FGFR2: variants seen among roughly 807,000 people sequenced by gnomAD.
FGFR2 encodes fibroblast growth factor receptor 2.
FGFR2 carries 19 observed loss-of-function variants against 95.9 expected under a neutral mutation model. The ratio of observed to expected loss-of-function variants is 0.20; its 90% confidence interval spans 0.14 to 0.29. The LOEUF is 0.29. FGFR2 is among the 10% of genes least tolerant of loss of function. The probability of loss-of-function intolerance (pLI) is 1.00; values close to 1 mark genes in which losing one functional copy is unlikely to be tolerated. For synonymous variants in FGFR2, 392 were observed against 393.3 expected (o/e 1.00, Z 0.04); for missense variants, 707 against 1,056.9 (o/e 0.67, Z 4.59).
chr10:121,578,914 A>C (rs1036384714), intron 2 of FGFR2, among the ~76,000 whole-genome samples: 22 of 152,216 alleles, frequency 1.4e-4, no homozygotes, highest in African/African-American at 5.3e-4. Flanking sequence ...CTGTCTCAAA[A>C]GGAAAAAACA....
At chr10:121,489,698 G>A (rs1279369190) in intron 13 of FGFR2, among the ~76,000 whole-genome samples, 1 of 152,002 alleles carries the variant, frequency 6.6e-6, no homozygotes, top group Non-Finnish European at 1.5e-5. Flanking sequence ...TCTCTTAATC[G>A]GAGAGCTATA....
In FGFR2 at chr10:121,518,668, G is replaced by T. The variant is rs770081703; in HGVS notation, c.940-1205C>A. The stretch of plus-strand genomic sequence containing the variant: ...TTTCTTTTTAAAAAAAGACAAAAAT[G>T]AAAGCATTGTTACCTTGCTGTTTTG... On this transcript the variant is annotated intron_variant, in intron 7 of 17. Coordinates refer to ENST00000358487, the MANE Select transcript of FGFR2 (RefSeq NM_000141.5). The surrounding 1 kb of genome is among the most constrained non-coding windows in gnomAD (Gnocchi z 4.0). The T allele has an allele frequency of 6.2e-7, 1 of 1,614,084 alleles. No homozygotes were observed. The highest frequency in any genetic ancestry group is 1.1e-5 in the South Asian group (1 of 91,068).
intron 6 of FGFR2, among the ~76,000 whole-genome samples, chr10:121,525,808 C>T (rs371104726): frequency 7.9e-5 from 12 of 152,104 alleles, no homozygotes; most frequent in Admixed American, 2.0e-4. Context: ...TCCACCGAGC[C>T]GAGAGGCCTC....
At chr10:121,482,847 G>A (rs1844932261) in intron 17 of FGFR2, among the ~76,000 whole-genome samples, 1 of 152,196 alleles carries the variant, frequency 6.6e-6, no homozygotes, top group Non-Finnish European at 1.5e-5. Flanking sequence ...CTCCCAGACT[G>A]GAGTGCAGTG....
chr10:121,582,682 C>A (rs893869707), intron 2 of FGFR2, among the ~76,000 whole-genome samples: 2 of 152,134 alleles, frequency 1.3e-5, no homozygotes, highest in African/African-American at 2.4e-5. Context: ...ACTCTAGACG[C>A]TGAGGCAGGA....
chr10:121,510,960 C>A (rs1367625684), intron 9 of FGFR2, among the ~76,000 whole-genome samples: 1 of 151,910 alleles, frequency 6.6e-6, no homozygotes, highest in Non-Finnish European at 1.5e-5. Context: ...CATCACCACA[C>A]CCAGCTAATT....
rs775253363 is a variant in FGFR2, at chr10:121,565,504, G to C, written c.310C>G (p.Leu104Val). Residue 104 changes from leucine to valine, a missense_variant, in exon 3 of 18, where the codon CTC becomes GTC. Physicochemically the swap from Leu to Val is conservative, Grantham distance 32. Around this residue, in one of 7 missense-constraint regions of FGFR2, gnomAD observed 178 missense variants for 194.1 expected, o/e 0.92. Coordinates refer to ENST00000358487, the MANE Select transcript of FGFR2 (RefSeq NM_000141.5). ...IKGATPRDSGLYACTASRTVD... is the reference protein window; with the variant it reads ...IKGATPRDSGVYACTASRTVD... ...GTCCTACTGGCAGTACAAGCATAGA[G>C]GCCGGAGTCTCTAGGCGTGGCGCCC... 1 of 1,614,230 alleles carries C rather than the reference G, an allele frequency of 6.2e-7. No individual in the cohort carries two copies. Among genetic ancestry groups the C allele is most frequent in the African/African-American group, 1.3e-5 (1 of 75,058 alleles).
chr10:121,586,187 T>G (rs574329840), intron 2 of FGFR2, among the ~76,000 whole-genome samples: 1 of 152,290 alleles, frequency 6.6e-6, no homozygotes, highest in Non-Finnish European at 1.5e-5. Flanking sequence ...AGCTCAAGGG[T>G]TCGAAAATAA....
At position 121,598,007 on chromosome 10, in the gene FGFR2, C is replaced by T. The variant is rs1457119353; in HGVS notation, c.-196G>A. On this transcript the variant is annotated 5_prime_UTR_variant, in exon 1 of 18. Coordinates refer to ENST00000358487, the MANE Select transcript of FGFR2 (RefSeq NM_000141.5). Reference sequence around the variant, plus strand: ...CGCGACCTGTGTTGTCCCCGCGCCCCGCGTGGGTCGGGATGGAGAAAGCGA... The same window carrying T: ...CGCGACCTGTGTTGTCCCCGCGCCCTGCGTGGGTCGGGATGGAGAAAGCGA... 3.0e-5 allele frequency: 12 copies of T among 396,190 alleles called. No individual in the cohort carries two copies. The East Asian group carries it at 4.3e-4, about 14-fold the overall frequency. 24.5% of individuals were successfully genotyped at this position (396,190 alleles called of 1,614,324 possible).
At chr10:121,588,246 G>A (rs1227578719) in intron 2 of FGFR2, among the ~76,000 whole-genome samples, 1 of 152,078 alleles carries the variant, frequency 6.6e-6, no homozygotes, top group African/African-American at 2.4e-5. Flanking sequence ...ACTTGAGGGT[G>A]GAGGGTGGGT....
rs533697010 is a variant in FGFR2, at chr10:121,590,658, T to C, written c.109+3051A>G. The stretch of plus-strand genomic sequence containing the variant: ...TCCAGAAGACAAATGATATATATGA[T>C]ATATGATATGACATATGATATGATA... On this transcript the variant is annotated intron_variant, in intron 2 of 17. Coordinates refer to ENST00000358487, the MANE Select transcript of FGFR2 (RefSeq NM_000141.5). 2.0e-5 allele frequency among the ~76,000 whole-genome samples: 3 copies of C among 152,320 alleles called. No homozygotes were observed. The South Asian group carries it at 6.2e-4, about 32-fold the overall frequency.
At chr10:121,583,370 C>T (rs922653514) in intron 2 of FGFR2, 2 of 152,274 alleles carry the variant, frequency 1.3e-5, no homozygotes, top group African/African-American at 4.8e-5. Context: ...GCAGAGGCAT[C>T]TGGGACAAGG....
intron 2 of FGFR2, among the ~76,000 whole-genome samples, chr10:121,586,005 G>C (rs1861767176): frequency 6.6e-6 from 1 of 152,150 alleles, no homozygotes; most frequent in Admixed American, 6.5e-5. Flanking sequence ...CCATTGCAAT[G>C]ATCTTGACAT....
intron 1 of FGFR2, among the ~76,000 whole-genome samples, chr10:121,595,954 G>A (rs774053636): frequency 2.6e-4 from 39 of 152,244 alleles, no homozygotes; most frequent in Non-Finnish European, 4.7e-4. Context: ...GACCTAAGGC[G>A]ACAGGTCTGC....
intron 2 of FGFR2, among the ~76,000 whole-genome samples, chr10:121,567,668 G>A (rs1857892704): frequency 6.6e-6 from 1 of 152,260 alleles, no homozygotes; most frequent in Non-Finnish European, 1.5e-5. Context: ...AGCAGTGGCA[G>A]AGGAGGGCTG....
At chr10:121,500,098 T>C (rs897672466) in intron 11 of FGFR2, among the ~76,000 whole-genome samples, 1 of 152,210 alleles carries the variant, frequency 6.6e-6, no homozygotes, top group Non-Finnish European at 1.5e-5. Flanking sequence ...AGAGGATTTA[T>C]AATGTGACAG....
Position 121,593,808 on chromosome 10 carries a change from A to AGCTGACCATGGTTAC in FGFR2, c.-6_9dup (p.Ser3_Trp4insValThrMetValSer). ...ACGACCAGGCAGATGAAACGACCCCAGCTGACCATGGTTACGGTACCAATC... is the reference window on the plus strand; with the variant it reads ...ACGACCAGGCAGATGAAACGACCCCAGCTGACCATGGTTACGCTGACCATGGTTACGGTACCAATC... On this transcript the variant is annotated inframe_insertion, in exon 2 of 18. Transcript: ENST00000358487. 6.2e-7 allele frequency: 1 copy of AGCTGACCATGGTTAC among 1,614,162 alleles called. No homozygotes were observed.
chr10:121,586,842 G>A (rs1444244714), intron 2 of FGFR2, among the ~76,000 whole-genome samples: 2 of 152,218 alleles, frequency 1.3e-5, no homozygotes, highest in Admixed American at 1.3e-4. Context: ...TACAGAAGGA[G>A]ACATCTTCAA....
intron 4 of FGFR2, among the ~76,000 whole-genome samples, chr10:121,554,955 A>G (rs1855921122): frequency 6.6e-6 from 1 of 152,194 alleles, no homozygotes; most frequent in Admixed American, 6.5e-5. Context: ...AGGCTCGTGA[A>G]CAGCTTTAAC....
Sources: gnomAD v4.1 joint callset for allele counts (sites outside exome capture counted in the v4.1 genomes callset) on GRCh38, gnomAD v4.1.1 for gene constraint, gnomAD v4.1.1 regional missense constraint, Gnocchi (gnomAD v3.1) non-coding constraint, MANE v1.5 for transcripts, NCBI Gene and HGNC (gene_info 2026-07-23, HGNC 2026-07-21) for gene names.